The following MRPS5 variants were observed in gnomAD, a reference collection of about 807,000 sequenced individuals.
MRPS5 encodes the protein small ribosomal subunit protein uS5m.
MRPS5 carries 27 observed loss-of-function variants against 51.9 expected under a neutral mutation model. That is an observed-to-expected ratio of 0.52 (90% CI 0.38 to 0.72). MRPS5 has a LOEUF of 0.72. Among genes scored for constraint, MRPS5 ranks in the 30% least tolerant of loss-of-function variants. The pLI is 0.00. For synonymous variants in MRPS5, 196 were observed against 193.2 expected (o/e 1.01, Z -0.12); for missense variants, 570 against 545.7 (o/e 1.04, Z -0.44).
At chr2:95,103,802 T>C (rs1419349892) in intron 7 of MRPS5, 1 of 152,192 alleles carries the variant, frequency 6.6e-6, no homozygotes, top group Non-Finnish European at 1.5e-5. Flanking sequence ...TATAATACTA[T>C]GTCAGAAAAT....
intron 5 of MRPS5, 187 bp from the exon 6 acceptor site, chr2:95,106,644 T>C: frequency 1.6e-6 from 1 of 613,972 alleles, no homozygotes; most frequent in East Asian, 2.8e-5. Flanking sequence ...GTTAAGTTCA[T>C]AAACTCAGTC....
intron 10 of MRPS5, chr2:95,090,926 C>T (rs1675446256): frequency 6.0e-6 from 1 of 167,402 alleles, no homozygotes; most frequent in African/African-American, 2.4e-5. Flanking sequence ...TGAAGAAGCT[C>T]CTCTTTTCGT....
intron 10 of MRPS5, among the ~76,000 whole-genome samples, 168 bp downstream of exon 10, chr2:95,100,306 T>C (rs1272531705): frequency 6.6e-6 from 1 of 152,236 alleles, no homozygotes; most frequent in African/African-American, 2.4e-5. Flanking sequence ...GCCTTGACTA[T>C]TCTTATTTCT....
In MRPS5 at chr2:95,121,619, A is replaced by G. The variant is rs1483906521; in HGVS notation, c.58+115T>C. The G allele has an allele frequency of 5.0e-6, 6 of 1,197,934 alleles. No homozygotes were observed. The Admixed American group carries it at 1.4e-4, about 27-fold the overall frequency. The allele number at this position is 1,197,934 out of a possible 1,614,324, so 74.2% of individuals were successfully genotyped here. On this transcript the variant is annotated intron_variant, in intron 1 of 11. Transcript: ENST00000272418. ...CGGCGGAAGGTGGGGGCACGGCGTGAAGAGCCGGGGGCCGCGGCTTCTCGC... is the reference window on the plus strand; with the variant it reads ...CGGCGGAAGGTGGGGGCACGGCGTGGAGAGCCGGGGGCCGCGGCTTCTCGC...
At chr2:95,111,570 G>C (rs1347962546) in intron 3 of MRPS5, among the ~76,000 whole-genome samples, 1 of 152,050 alleles carries the variant, frequency 6.6e-6, no homozygotes, top group Admixed American at 6.5e-5. Flanking sequence ...ATTTGAAAAA[G>C]ACAGCAAGTC....
rs372899449 is a variant in MRPS5, at chr2:95,107,302, G to C, written c.638-845C>G. Among the ~76,000 whole-genome samples the C allele has an allele frequency of 2.0e-4, 31 of 152,090 alleles. No individual in the cohort carries two copies. The East Asian group carries it at 5.6e-3, about 27-fold the overall frequency. ...CATCAATGTCCCCATCTCACTCTCC[G>C]CAGATGATTCCACCTCTTCCTTACA... On this transcript the variant is annotated intron_variant, in intron 5 of 11. Coordinates refer to ENST00000272418, the MANE Select transcript of MRPS5 (RefSeq NM_031902.5).
intron 3 of MRPS5, among the ~76,000 whole-genome samples, chr2:95,114,846 G>T (rs139857127): frequency 3.5e-3 from 535 of 152,264 alleles, no homozygotes; most frequent in Non-Finnish European, 4.9e-3. Flanking sequence ...GGCCTCAGGT[G>T]CCCCAAACAA....
At chr2:95,118,977 AAAAG>A (rs1415878786) in intron 1 of MRPS5, among the ~76,000 whole-genome samples, 2 of 152,180 alleles carry the variant, frequency 1.3e-5, no homozygotes, top group Non-Finnish European at 2.9e-5. Flanking sequence ...CACAGCAACA[AAAAG>A]AAAAAAAATA....
chr2:95,121,969 G>A, upstream of MRPS5: 2 of 694,080 alleles, frequency 2.9e-6, no homozygotes, highest in East Asian at 3.5e-5. Context: ...TGCAGGCGGA[G>A]CCCGGCGCGA....
At chr2:95,108,768 C>A (rs1283824922) in intron 4 of MRPS5, among the ~76,000 whole-genome samples, 2 of 152,156 alleles carry the variant, frequency 1.3e-5, no homozygotes, top group Non-Finnish European at 2.9e-5. Flanking sequence ...ATCAAAAGAA[C>A]AAGGTAACTC....
rs1676061529 is a variant in MRPS5, at chr2:95,109,784, T to C, written c.403+132A>G. ...CTGGGGCAATGAGTAAGTCAACTGG[T>C]TGAATTCTAAAACCATAGATCGTAG... On this transcript the variant is annotated intron_variant, in intron 4 of 11. Coordinates refer to ENST00000272418, the MANE Select transcript of MRPS5 (RefSeq NM_031902.5). 14 of 1,035,124 alleles carry C rather than the reference T, an allele frequency of 1.4e-5. 1 individual carries two copies. The South Asian group carries it at 1.8e-4, about 13-fold the overall frequency. The allele number at this position is 1,035,124 out of a possible 1,614,324, so 64.1% of individuals were successfully genotyped here.
At chr2:95,120,335 A>C (rs1472159647) in intron 1 of MRPS5, among the ~76,000 whole-genome samples, 1 of 152,214 alleles carries the variant, frequency 6.6e-6, no homozygotes, top group African/African-American at 2.4e-5. Context: ...GAAAGAAGCC[A>C]ATCACAAAAG....
chr2:95,104,171 A>G, intron 7 of MRPS5: 1 of 167,156 alleles, frequency 6.0e-6, no homozygotes, highest in South Asian at 1.4e-4. Context: ...ACATAAATAT[A>G]CTTTTAAAAA....
At chr2:95,113,480 C>CATAA (rs1294600835) in intron 3 of MRPS5, among the ~76,000 whole-genome samples, 1 of 151,946 alleles carries the variant, frequency 6.6e-6, no homozygotes, top group African/African-American at 2.4e-5. Context: ...CCGTCTCAAA[C>CATAA]ATAAATAAAT....
At chr2:95,113,239 G>A (rs1282797161) in intron 3 of MRPS5, among the ~76,000 whole-genome samples, 3 of 152,032 alleles carry the variant, frequency 2.0e-5, no homozygotes, top group Non-Finnish European at 4.4e-5. Flanking sequence ...CACTTTGGGA[G>A]GCCGAGGCGG....
intron 3 of MRPS5, among the ~76,000 whole-genome samples, chr2:95,113,903 C>T (rs1676202635): frequency 6.6e-6 from 1 of 151,874 alleles, no homozygotes. Context: ...AGGTGGATCA[C>T]AAGTTCAAGA....
In MRPS5 at chr2:95,101,635, A is replaced by G. The variant is rs745351497; in HGVS notation, c.810+42T>C. 5.3e-6 allele frequency: 8 copies of G among 1,501,492 alleles called. No homozygotes were observed. The East Asian group carries it at 1.6e-4, about 30-fold the overall frequency. 93.0% of individuals were successfully genotyped at this position (1,501,492 alleles called of 1,614,324 possible). A position where few individuals can be genotyped will look rare whatever the true frequency, so the allele number is the denominator to read the frequency against. On this transcript the variant is annotated intron_variant, in intron 8 of 11. Coordinates refer to ENST00000272418, the MANE Select transcript of MRPS5 (RefSeq NM_031902.5). ...CACTGTGTCTGGCATATAACTTACT[A>G]ATCTTTTACTGAGTGTCAACAAAGA...
At chr2:95,101,013 G>C (rs777503927) in intron 8 of MRPS5, 119 bp from the exon 9 acceptor site, 30 of 761,298 alleles carry the variant, frequency 3.9e-5, no homozygotes, top group Non-Finnish European at 5.6e-5. Flanking sequence ...AAAAAGGTTA[G>C]TATATACTTC....
intron 1 of MRPS5, among the ~76,000 whole-genome samples, chr2:95,119,848 C>T (rs1174601357): frequency 2.6e-5 from 4 of 152,066 alleles, no homozygotes; most frequent in Non-Finnish European, 5.9e-5. Flanking sequence ...GGATTGCCTG[C>T]ACCCAGGAGT....
Sources: gnomAD v4.1 joint callset for allele counts (sites outside exome capture counted in the v4.1 genomes callset) on GRCh38, gnomAD v4.1.1 for gene constraint, MANE v1.5 for transcripts, NCBI Gene and HGNC (gene_info 2026-07-23, HGNC 2026-07-21) for gene names.